SLC14A2: variants seen among roughly 807,000 people sequenced by gnomAD.
SLC14A2 encodes solute carrier family 14 member 2.
In SLC14A2, 91 loss-of-function variants were observed where a neutral mutation model predicts 104.6. The ratio of observed to expected loss-of-function variants is 0.87; its 90% CI spans 0.73 to 1.04. The LOEUF (loss-of-function observed/expected upper bound fraction) is 1.04, where lower values mean the gene tolerates loss of function less well. Ranked by LOEUF, SLC14A2 falls within the 50% of genes least tolerant of loss-of-function variation. The probability of loss-of-function intolerance (pLI) is 0.00; values close to 1 mark genes in which losing one functional copy is unlikely to be tolerated. For missense variants in SLC14A2, 1,189 were observed against 1,156.0 expected, an observed-to-expected ratio of 1.03 and a Z score of -0.41; for synonymous variants, 476 against 466.4, an observed-to-expected ratio of 1.02 and a Z score of -0.27.
At chr18:45,528,817 C>G (rs1326450069) in intron 2 of SLC14A2, 1 of 152,226 alleles carries the variant, frequency 6.6e-6, no homozygotes, top group African/African-American at 2.4e-5. Flanking sequence ...CTCCTATCAT[C>G]AAGAAGCAGA....
intron 1 of SLC14A2, among the ~76,000 whole-genome samples, chr18:45,382,446 G>T (rs954211947): frequency 6.6e-6 from 1 of 152,098 alleles, no homozygotes; most frequent in African/African-American, 2.4e-5. Flanking sequence ...TGCAAAATAG[G>T]CCTGTATGTT....
chr18:45,567,607 C>T (rs778340365), intron 2 of SLC14A2, among the ~76,000 whole-genome samples: 11 of 152,118 alleles, frequency 7.2e-5, no homozygotes, highest in Non-Finnish European at 1.6e-4. Context: ...CAGGGGTTAG[C>T]CCGGTGAGTG....
chr18:45,283,617 C>G (rs1216517761), intron 1 of SLC14A2, among the ~76,000 whole-genome samples: 1 of 152,230 alleles, frequency 6.6e-6, no homozygotes, highest in Non-Finnish European at 1.5e-5. Context: ...ATCAGGTATA[C>G]ATAGCACTGT....
the SLC14A2 span, among the ~76,000 whole-genome samples, chr18:45,176,734 G>A: frequency 2.6e-5 from 4 of 152,100 alleles, no homozygotes; most frequent in Non-Finnish European, 5.9e-5. Flanking sequence ...CACCTAATAT[G>A]ATTTGCTGGC....
chr18:45,272,153 A>G (rs942772567), intron 1 of SLC14A2, among the ~76,000 whole-genome samples: 2 of 152,116 alleles, frequency 1.3e-5, no homozygotes, highest in Admixed American at 6.6e-5. Flanking sequence ...GGGAATGTAA[A>G]TTAGTACAAC....
chr18:45,246,734 G>A (rs1419596717), intron 1 of SLC14A2, among the ~76,000 whole-genome samples: 3 of 152,068 alleles, frequency 2.0e-5, no homozygotes, highest in Non-Finnish European at 4.4e-5. Context: ...CGCCACACTG[G>A]GCACGGTGGC....
At chr18:45,484,949 C>T (rs1319560392) in intron 2 of SLC14A2, among the ~76,000 whole-genome samples, 1 of 152,142 alleles carries the variant, frequency 6.6e-6, no homozygotes, top group Non-Finnish European at 1.5e-5. Flanking sequence ...CCAGAAGTAC[C>T]TTACCAACAC....
intron 10 of SLC14A2, among the ~76,000 whole-genome samples, chr18:45,652,218 G>C (rs1476817436): frequency 6.6e-6 from 1 of 152,180 alleles, no homozygotes; most frequent in Non-Finnish European, 1.5e-5. Flanking sequence ...GGTCTCATCT[G>C]GTAACTTTAA....
At chr18:45,454,942 C>T (rs2086917391) in intron 1 of SLC14A2, among the ~76,000 whole-genome samples, 1 of 152,142 alleles carries the variant, frequency 6.6e-6, no homozygotes, top group Non-Finnish European at 1.5e-5. Context: ...TAGCGTGATG[C>T]CTCCAGCTTT....
intron 1 of SLC14A2, among the ~76,000 whole-genome samples, chr18:45,336,926 G>A (rs2085343252): frequency 6.6e-6 from 1 of 151,960 alleles, no homozygotes; most frequent in African/African-American, 2.4e-5. Flanking sequence ...CATTTACCTT[G>A]GGGTCAGGCT....
intron 18 of SLC14A2, among the ~76,000 whole-genome samples, chr18:45,678,218 T>G (rs992005373): frequency 6.6e-6 from 1 of 152,216 alleles, no homozygotes; most frequent in Non-Finnish European, 1.5e-5. Flanking sequence ...AACAGTCATA[T>G]TATTTCACCT....
intron 10 of SLC14A2, among the ~76,000 whole-genome samples, chr18:45,658,316 C>G (rs1472631247): frequency 3.3e-5 from 5 of 152,150 alleles, no homozygotes; most frequent in African/African-American, 1.2e-4. Context: ...TGTGGTAGCT[C>G]ACGCCTGTAA....
chr18:45,235,396 C>G (rs1367513099), intron 1 of SLC14A2, among the ~76,000 whole-genome samples: 1 of 152,136 alleles, frequency 6.6e-6, no homozygotes, highest in Non-Finnish European at 1.5e-5. Flanking sequence ...TCCATCACTT[C>G]AAACATTTAT....
chr18:45,327,285 T>G (rs1312129192), intron 1 of SLC14A2, among the ~76,000 whole-genome samples: 1 of 152,184 alleles, frequency 6.6e-6, no homozygotes, highest in African/African-American at 2.4e-5. Flanking sequence ...TTGGGCTCTT[T>G]TTCTAGTAAT....
intron 1 of SLC14A2, among the ~76,000 whole-genome samples, chr18:45,423,145 C>T (rs556073732): frequency 3.9e-5 from 6 of 152,258 alleles, no homozygotes; most frequent in African/African-American, 7.2e-5. Flanking sequence ...GGAATGAAGA[C>T]GGTTTCAAAT....
chr18:45,191,648 G>T, the SLC14A2 span, among the ~76,000 whole-genome samples: 2 of 152,126 alleles, frequency 1.3e-5, no homozygotes, highest in Non-Finnish European at 2.9e-5. Flanking sequence ...CCCTGGGGGG[G>T]AAATTCTAGG....
At chr18:45,316,731 C>G (rs1410234063) in intron 1 of SLC14A2, among the ~76,000 whole-genome samples, 1 of 152,206 alleles carries the variant, frequency 6.6e-6, no homozygotes, top group African/African-American at 2.4e-5. Flanking sequence ...ACCTGAAGGA[C>G]TCTTCGCACA....
At chr18:45,377,816 T>C (rs1408448817) in intron 1 of SLC14A2, among the ~76,000 whole-genome samples, 2 of 152,190 alleles carry the variant, frequency 1.3e-5, no homozygotes, top group African/African-American at 4.8e-5. Flanking sequence ...CCTACTAAAC[T>C]TAAAATGAAC....
intron 1 of SLC14A2, among the ~76,000 whole-genome samples, chr18:45,310,297 C>A (rs1405162334): frequency 3.9e-5 from 6 of 152,168 alleles, no homozygotes; most frequent in Non-Finnish European, 7.3e-5. Context: ...ATGTTATGCC[C>A]ACCAGCAGTC....
Sources: gnomAD v4.1 joint callset for allele counts (sites outside exome capture counted in the v4.1 genomes callset) on GRCh38, gnomAD v4.1.1 for gene constraint, MANE v1.5 for transcripts, NCBI Gene and HGNC (gene_info 2026-07-23, HGNC 2026-07-21) for gene names.